Variants in UBR1 observed in about 807,000 individuals in gnomAD.
The protein encoded by UBR1 is E3 ubiquitin-protein ligase UBR1.
A neutral mutation model predicts 242.1 loss-of-function variants in UBR1; 102 were observed. The ratio of observed to expected loss-of-function variants is 0.42; its 90% CI spans 0.36 to 0.50. The LOEUF is 0.50. Ranked by LOEUF, UBR1 falls within the 20% of genes least tolerant of loss-of-function variation. The probability of loss-of-function intolerance (pLI) is 0.01; values close to 1 mark genes in which losing one functional copy is unlikely to be tolerated. For synonymous variants in UBR1, 675 were observed against 684.8 expected (o/e 0.99, Z 0.22); for missense variants, 1,772 against 2,101.8 (o/e 0.84, Z 3.07).
intron 33 of UBR1, among the ~76,000 whole-genome samples, chr15:42,990,830 C>T (rs1402549824): frequency 6.6e-6 from 1 of 152,228 alleles, no homozygotes; most frequent in East Asian, 1.9e-4. Flanking sequence ...AATCCTAGCT[C>T]TGCCACTTAC....
chr15:42,978,035 C>A, intron 37 of UBR1, 88 bp from the exon 38 acceptor site: 1 of 991,832 alleles, frequency 1.0e-6, no homozygotes. Context: ...CTAAACCAAA[C>A]ATATAACAGG....
chr15:42,994,317 G>C (rs1057381294), intron 33 of UBR1, among the ~76,000 whole-genome samples: 2 of 146,630 alleles, frequency 1.4e-5, no homozygotes, highest in African/African-American at 5.0e-5. Flanking sequence ...GGAAGCCATG[G>C]TGGGAGAATC....
At chr15:42,956,238 G>T (rs750408185) in intron 44 of UBR1, among the ~76,000 whole-genome samples, 6 of 152,164 alleles carry the variant, frequency 3.9e-5, no homozygotes, top group Non-Finnish European at 7.3e-5. Context: ...ATTAAGGAGT[G>T]ATATCATAGA....
intron 21 of UBR1, among the ~76,000 whole-genome samples, chr15:43,028,562 T>C (rs991236334): frequency 2.0e-5 from 3 of 151,436 alleles, no homozygotes; most frequent in Non-Finnish European, 2.9e-5. Flanking sequence ...CTGGCCAACA[T>C]AGTGAAACCC....
intron 1 of UBR1, among the ~76,000 whole-genome samples, chr15:43,101,892 C>T (rs1444593661): frequency 1.5e-5 from 2 of 135,092 alleles, no homozygotes; most frequent in African/African-American, 5.4e-5. Context: ...CGCTTGAACC[C>T]GGGAGGTAGA....
rs1425033820 is a variant in UBR1, at chr15:42,990,075, G to C, written c.3803C>G (p.Ser1268Cys). Residue 1268 changes from serine (S) to cysteine (C), a missense_variant, in exon 34 of 47, where the codon TCT becomes TGT. Transcript: ENST00000290650. ...CAGGATGGAATGGAACTCCAAAGTA[G>C]AATCTCCCATTCCTTGATTAAAGAA... ...PIFFNQGMGD[S>C]TLEFHSILSF... 1 of 1,608,606 alleles carries C rather than the reference G, an allele frequency of 6.2e-7. No individual in the cohort carries two copies. Among genetic ancestry groups the C allele is most frequent in the Admixed American group, 1.7e-5 (1 of 59,552 alleles).
chr15:43,049,592 C>T (rs1286265696), intron 12 of UBR1, among the ~76,000 whole-genome samples: 1 of 152,028 alleles, frequency 6.6e-6, no homozygotes, highest in Non-Finnish European at 1.5e-5. Flanking sequence ...AAAGACAAAG[C>T]AACAAAGAAA....
chr15:42,985,359 AT>A (rs942728005), intron 35 of UBR1, among the ~76,000 whole-genome samples: 26 of 149,830 alleles, frequency 1.7e-4, no homozygotes, highest in Admixed American at 1.4e-3. Flanking sequence ...TTTGGGTACA[AT>A]TTTTTTTTTG....
At chr15:42,968,350 T>C (rs1409979929) in intron 40 of UBR1, among the ~76,000 whole-genome samples, 1 of 151,974 alleles carries the variant, frequency 6.6e-6, no homozygotes, top group Non-Finnish European at 1.5e-5. Flanking sequence ...ACCTATCCTG[T>C]AGCAAACAAA....
intron 40 of UBR1, among the ~76,000 whole-genome samples, chr15:42,968,603 T>A (rs1164180310): frequency 6.6e-6 from 1 of 152,050 alleles, no homozygotes; most frequent in Admixed American, 6.6e-5. Flanking sequence ...TGTGTCATGG[T>A]GGAGGTTTGC....
chr15:43,063,358 T>G (rs1407912557), intron 6 of UBR1, among the ~76,000 whole-genome samples: 1 of 152,248 alleles, frequency 6.6e-6, no homozygotes, highest in African/African-American at 2.4e-5. Context: ...ATTCTTCTCC[T>G]GGGACACTGG....
chr15:43,022,757 C>G lies in UBR1; in HGVS notation c.2784G>C (p.Gln928His). Residue 928 changes from glutamine to histidine, a missense_variant, in exon 26 of 47, where the codon CAG (glutamine) becomes CAC (histidine). By Grantham distance (24) the Gln-to-His change is conservative. Around this residue, in one of 3 missense-constraint regions of UBR1, gnomAD observed 965 missense variants for 1,079.7 expected, o/e 0.89. Transcript: ENST00000290650. ...LALGLLEEKQQLQKAPEEEVT... is the reference protein window; with the variant it reads ...LALGLLEEKQHLQKAPEEEVT... ...CTTCTTCTTCAGGAGCTTTTTGAAG[C>G]TGTTGCTTCTCTTCTAGTAAACCCA... 6.2e-7 allele frequency: 1 copy of G among 1,612,302 alleles called. No homozygotes were observed. Among genetic ancestry groups the G allele is most frequent in the Non-Finnish European group, 8.5e-7 (1 of 1,179,002 alleles).
At chr15:43,092,507 G>C (rs1381143438) in intron 1 of UBR1, among the ~76,000 whole-genome samples, 1 of 152,108 alleles carries the variant, frequency 6.6e-6, no homozygotes, top group African/African-American at 2.4e-5. Context: ...TCTTGCCAGA[G>C]AAAACAAAGC....
rs1767559409 is a variant in UBR1, at chr15:42,983,989, T to C, written c.4058A>G (p.Asn1353Ser). ...LFGALQNRQH[N>S]GLKALMQFAV... ...AAACTGCATTAATGCTTTCAGACCATTATGCTAGATTGTAAGAGAGAAGGA... is the reference window on the plus strand; with the variant it reads ...AAACTGCATTAATGCTTTCAGACCACTATGCTAGATTGTAAGAGAGAAGGA... The change falls in exon 37 of 47, where the codon AAT becomes AGT. Residue 1353 changes from asparagine to serine, a missense_variant. By Grantham distance (46) the Asn-to-Ser change is conservative. Around this residue, in one of 3 missense-constraint regions of UBR1, gnomAD observed 965 missense variants for 1,079.7 expected, o/e 0.89. Transcript: ENST00000290650. 1.2e-6 allele frequency: 2 copies of C among 1,611,482 alleles called. No individual in the cohort carries two copies. Among genetic ancestry groups the C allele is most frequent in the East Asian group, 2.2e-5 (1 of 44,832 alleles).
intron 1 of UBR1, among the ~76,000 whole-genome samples, chr15:43,094,309 G>GT (rs2034135645): frequency 6.6e-6 from 1 of 151,934 alleles, no homozygotes; most frequent in Admixed American, 6.6e-5. Flanking sequence ...GTGCACGCCT[G>GT]TAGTCCCAGC....
chr15:43,091,782 AT>A (rs1280410612), intron 1 of UBR1, among the ~76,000 whole-genome samples: 2 of 151,696 alleles, frequency 1.3e-5, no homozygotes, highest in Non-Finnish European at 2.9e-5. Flanking sequence ...AAATACAAAA[AT>A]TAGCCAGGTG....
chr15:43,006,552 G>A (rs959760614), intron 30 of UBR1, among the ~76,000 whole-genome samples: 2 of 152,164 alleles, frequency 1.3e-5, no homozygotes, highest in Non-Finnish European at 2.9e-5. Context: ...TTACAGGCGT[G>A]AGCCACCATG....
rs764320343 is a variant in UBR1 at position 43,026,602 on chromosome 15, T to C, written c.2494A>G (p.Asn832Asp). 6.2e-7 allele frequency: 1 copy of C among 1,613,506 alleles called. No homozygotes were observed. The highest frequency in any genetic ancestry group is 1.7e-5 in the Admixed American group (1 of 60,020). The change falls in exon 23 of 47, where the codon AAT becomes GAT. Residue 832 changes from asparagine to aspartate, a missense_variant. By Grantham distance (23) the Asn-to-Asp change is conservative (BLOSUM62 1). This residue lies in a region of UBR1 where 73 missense variants were observed against 128.9 expected (regional missense o/e 0.57). Coordinates refer to ENST00000290650, the MANE Select transcript of UBR1 (RefSeq NM_174916.3). The part of the protein sequence containing the change: ...ELKDESLKDF[N>D]MYFYHYSKTQ... The stretch of plus-strand genomic sequence containing the variant: ...TTGGAGTAATGATAAAAGTACATAT[T>C]GAAGTCTTTCAGTGATTCATCTTTT...
chr15:42,972,251 G>A (rs763887304), intron 39 of UBR1, among the ~76,000 whole-genome samples: 4 of 152,036 alleles, frequency 2.6e-5, no homozygotes, highest in South Asian at 2.1e-4. Context: ...CTTCTCTAGC[G>A]TGTCATATAG....
Sources: allele counts gnomAD v4.1 joint callset (sites outside exome capture counted in the v4.1 genomes callset), GRCh38; gene constraint gnomAD v4.1.1; regional missense constraint gnomAD v4.1.1; transcripts MANE v1.5; gene names NCBI Gene and HGNC (gene_info 2026-07-23, HGNC 2026-07-21).